PTBP3: variants seen among roughly 807,000 people sequenced by gnomAD.
PTBP3 encodes polypyrimidine tract-binding protein 3.
A neutral mutation model predicts 58.7 loss-of-function variants in PTBP3; 20 were observed. The observed-to-expected ratio is 0.34, with a 90% CI of 0.24 to 0.50. The LOEUF is 0.50. Among genes scored for constraint, PTBP3 ranks in the 20% least tolerant of loss-of-function variants. The pLI, the probability that PTBP3 is intolerant of heterozygous loss-of-function variation, is 0.98. For missense variants in PTBP3, 509 were observed against 637.2 expected (o/e 0.80, Z 2.17); for synonymous variants, 185 against 219.8 (o/e 0.84, Z 1.40).
intron 2 of PTBP3, among the ~76,000 whole-genome samples, chr9:112,285,717 C>T (rs1300497231): frequency 3.9e-5 from 6 of 152,136 alleles, no homozygotes; most frequent in African/African-American, 4.8e-5. Flanking sequence ...ATGAAAGTTT[C>T]GTGTGCCATT....
intron 12 of PTBP3, among the ~76,000 whole-genome samples, chr9:112,226,039 G>A (rs578080437): frequency 6.6e-6 from 1 of 151,946 alleles, no homozygotes; most frequent in South Asian, 2.1e-4. Flanking sequence ...GGGAGACCCT[G>A]TCTCAAAAAA....
At chr9:112,378,147 C>G in the PTBP3 span, among the ~76,000 whole-genome samples, 1 of 152,152 alleles carries the variant, frequency 6.6e-6, no homozygotes, top group Non-Finnish European at 1.5e-5. Flanking sequence ...TAATCTAACA[C>G]TAGGTTAATC....
At chr9:112,289,330 TTA>T (rs1396158049) in intron 2 of PTBP3, among the ~76,000 whole-genome samples, 1 of 152,188 alleles carries the variant, frequency 6.6e-6, no homozygotes, top group Non-Finnish European at 1.5e-5. Flanking sequence ...TCTACATTGC[TTA>T]TATCATCTTT....
chr9:112,319,091 C>T (rs1348910946), intron 1 of PTBP3, among the ~76,000 whole-genome samples: 1 of 145,230 alleles, frequency 6.9e-6, no homozygotes, highest in Admixed American at 7.0e-5. Flanking sequence ...CATGCCATTG[C>T]ACTCCAGCCT....
chr9:112,305,476 C>A (rs1376584058), intron 1 of PTBP3, among the ~76,000 whole-genome samples: 1 of 152,090 alleles, frequency 6.6e-6, no homozygotes, highest in Non-Finnish European at 1.5e-5. Context: ...CGCCAAGGCT[C>A]CAGTGAGTTT....
chr9:112,292,274 C>G (rs7048383), intron 2 of PTBP3, among the ~76,000 whole-genome samples: 120,093 of 152,138 alleles, frequency 0.79, 47,492 homozygotes, highest in South Asian at 0.89. Context: ...ATTTAAAACC[C>G]AAAAAATAAG....
At chr9:112,241,725 A>G (rs1835668101) in intron 7 of PTBP3, among the ~76,000 whole-genome samples, 1 of 152,238 alleles carries the variant, frequency 6.6e-6, no homozygotes, top group Non-Finnish European at 1.5e-5. Flanking sequence ...GTATATTTAA[A>G]GCATGTGAAA....
intron 1 of PTBP3, among the ~76,000 whole-genome samples, chr9:112,304,100 G>A (rs1223341206): frequency 1.3e-5 from 2 of 152,112 alleles, no homozygotes; most frequent in Non-Finnish European, 2.9e-5. Context: ...CCAGGAGGCA[G>A]AGGTTGCAGT....
chr9:112,316,888 C>G (rs1829725442), intron 1 of PTBP3, among the ~76,000 whole-genome samples: 1 of 151,734 alleles, frequency 6.6e-6, no homozygotes, highest in Non-Finnish European at 1.5e-5. Context: ...AGGAAAATCG[C>G]TTGAACCCGG....
the PTBP3 span, among the ~76,000 whole-genome samples, chr9:112,373,069 T>TG: frequency 1.3e-5 from 2 of 152,038 alleles, no homozygotes; most frequent in Non-Finnish European, 2.9e-5. Flanking sequence ...AATTTTTTTT[T>TG]GTATCTTTAG....
intron 1 of PTBP3, among the ~76,000 whole-genome samples, chr9:112,313,546 C>G (rs1274643058): frequency 2.0e-5 from 3 of 152,152 alleles, no homozygotes; most frequent in African/African-American, 7.2e-5. Context: ...TAGCTAGGTC[C>G]TCTGGAGAGT....
upstream of PTBP3, among the ~76,000 whole-genome samples, chr9:112,333,952 G>C (rs1368595109): frequency 1.3e-5 from 2 of 150,734 alleles, no homozygotes; most frequent in Non-Finnish European, 3.0e-5. Context: ...CCCTCCCGCG[G>C]CCCCGCGGGC....
chr9:112,277,926 C>CATAAT (rs1827688234), intron 2 of PTBP3, among the ~76,000 whole-genome samples: 2 of 115,242 alleles, frequency 1.7e-5, no homozygotes, highest in East Asian at 2.7e-4. Context: ...CATAACATAA[C>CATAAT]ATAACATAAC....
rs115083975 is a variant in PTBP3, at chr9:112,322,910, G to T, written c.-52+10560C>A. Among the ~76,000 whole-genome samples the T allele has an allele frequency of 2.6e-3, 402 of 152,318 alleles. 1 individual carries two copies. Among genetic ancestry groups the T allele is most frequent in the African/African-American group, 9.0e-3 (375 of 41,572 alleles). On this transcript the variant is annotated intron_variant, in intron 1 of 13. Transcript: ENST00000374257. ...AGGTGAACCAAGCTTGCAACCATGG[G>T]TGGAACCCAAGAGTCAGGACCAAGG...
At chr9:112,324,937 A>G (rs2132462192) in intron 1 of PTBP3, among the ~76,000 whole-genome samples, 1 of 152,308 alleles carries the variant, frequency 6.6e-6, no homozygotes, top group Admixed American at 6.5e-5. Flanking sequence ...ACAGTTGAAC[A>G]ATTTCTTATA....
rs530608675 is a variant in PTBP3, at chr9:112,258,061, C to A, written c.516+4374G>T. Among the ~76,000 whole-genome samples the A allele has an allele frequency of 3.3e-5, 5 of 151,844 alleles. No homozygotes were observed. The East Asian group carries it at 9.7e-4, about 29-fold the overall frequency. On this transcript the variant is annotated intron_variant, in intron 5 of 13. Transcript: ENST00000374257. ...CCAATGAAATAACATGATTTAAGAA[C>A]CAGAATTTCATATTACTAGGATTCT...
chr9:112,363,087 GC>G, the PTBP3 span: 1 of 174,454 alleles, frequency 5.7e-6, no homozygotes, highest in Non-Finnish European at 1.2e-5. Context: ...CAGTCGCAAT[GC>G]CAGGCAGCAC....
At position 112,291,992 on chromosome 9, in the gene PTBP3, T is replaced by C. The variant is rs186564960; in HGVS notation, c.34+5840A>G. Among the ~76,000 whole-genome samples the C allele has an allele frequency of 4.6e-5, 7 of 151,980 alleles. No individual in the cohort carries two copies. The East Asian group carries it at 1.4e-3, about 29-fold the overall frequency. Reference sequence around the variant, plus strand: ...GATGGGGGTTAATAATCAGAATACATAAAGAGCTACTACAACTCAACAACA... The same window carrying C: ...GATGGGGGTTAATAATCAGAATACACAAAGAGCTACTACAACTCAACAACA... On this transcript the variant is annotated intron_variant, in intron 2 of 13. Coordinates refer to ENST00000374257, the MANE Select transcript of PTBP3 (RefSeq NM_001163788.4).
intron 5 of PTBP3, among the ~76,000 whole-genome samples, chr9:112,256,857 C>CTTTCT (rs1554792834): frequency 0.29 from 43,528 of 151,400 alleles, 7,026 homozygotes; most frequent in South Asian, 0.41. Flanking sequence ...TTTTTTAAAG[C>CTTTCT]TTTCATTTTT....
Sources: gnomAD v4.1 joint callset for allele counts (sites outside exome capture counted in the v4.1 genomes callset) on GRCh38, gnomAD v4.1.1 for gene constraint, MANE v1.5 for transcripts, NCBI Gene and HGNC (gene_info 2026-07-23, HGNC 2026-07-21) for gene names.